HRK: variants seen among roughly 807,000 people sequenced by gnomAD.
HRK encodes harakiri, BCL2 interacting protein.
In HRK, 6 loss-of-function variants were observed where a neutral mutation model predicts 5.9. That is an observed-to-expected ratio of 1.02 (90% CI 0.56 to 2.01). The LOEUF is 2.01. Ranked by LOEUF, HRK falls within the 30% of genes most tolerant of loss-of-function variation. HRK has a pLI of 0.00. For missense variants in HRK, 133 were observed against 128.3 expected (o/e 1.04, Z -0.18); for synonymous variants, 85 against 65.1 (o/e 1.31, Z -1.47).
Position 116,858,121 on chromosome 12 carries a change from A to AG in HRK, c.*3401_*3402insC, listed in dbSNP as rs1004383708. On this transcript the variant is annotated 3_prime_UTR_variant, in exon 2 of 2. Coordinates refer to ENST00000257572, the MANE Select transcript of HRK (RefSeq NM_003806.4). Reference sequence around the variant, plus strand: ...CAGTATCCAAATGAAGGCGGCTAAAAAAAAAAAAAAAAAACGAACAAAAAA... The same window carrying AG: ...CAGTATCCAAATGAAGGCGGCTAAAAGAAAAAAAAAAAAAACGAACAAAAAA... The AG allele has an allele frequency of 6.6e-6, 1 of 150,524 alleles. No homozygotes were observed. Among genetic ancestry groups the AG allele is most frequent in the African/African-American group, 2.4e-5 (1 of 41,026 alleles). 9.3% of individuals were successfully genotyped at this position (150,524 alleles called of 1,614,324 possible).
At chr12:116,877,466 C>G (rs1212691368) in intron 1 of HRK, among the ~76,000 whole-genome samples, 1 of 152,220 alleles carries the variant, frequency 6.6e-6, no homozygotes, top group African/African-American at 2.4e-5. Flanking sequence ...TTCTCAAGGT[C>G]ACGCTGTCAG....
At chr12:116,861,730 T>G (rs1191664840) in intron 1 of HRK, among the ~76,000 whole-genome samples, 1 of 152,226 alleles carries the variant, frequency 6.6e-6, no homozygotes, top group Admixed American at 6.5e-5. Context: ...CTCTCTGCTT[T>G]TAGACCTAGA....
chr12:116,875,176 G>A (rs578238562), intron 1 of HRK, among the ~76,000 whole-genome samples: 64 of 152,274 alleles, frequency 4.2e-4, no homozygotes, highest in African/African-American at 1.5e-3. Context: ...ACAGTGTGTG[G>A]GTTATATGCA....
chr12:116,875,305 CTTAGTAG>C (rs1878890720), intron 1 of HRK, among the ~76,000 whole-genome samples: 1 of 152,110 alleles, frequency 6.6e-6, no homozygotes, highest in African/African-American at 2.4e-5. Context: ...TGAAGCAAAA[CTTAGTAG>C]TTTTGGAGTA....
intron 1 of HRK, among the ~76,000 whole-genome samples, chr12:116,877,114 G>A (rs560399923): frequency 7.2e-5 from 11 of 152,260 alleles, no homozygotes; most frequent in Non-Finnish European, 1.5e-4. Flanking sequence ...GCAATAGTGC[G>A]ATCTCAGCTT....
Position 116,859,297 on chromosome 12 carries a change from A to G in HRK, c.*2226T>C, listed in dbSNP as rs1161464329. On this transcript the variant is annotated 3_prime_UTR_variant, in exon 2 of 2. Coordinates refer to ENST00000257572, the MANE Select transcript of HRK (RefSeq NM_003806.4). ...ACCTTTCATCTTCTCCTGTGTCTACAGGTGGTCAGCATGCCCCCACTACGA... is the reference window on the plus strand; with the variant it reads ...ACCTTTCATCTTCTCCTGTGTCTACGGGTGGTCAGCATGCCCCCACTACGA... 2 of 152,204 alleles carry G rather than the reference A, an allele frequency of 1.3e-5. No homozygotes were observed. The highest frequency in any genetic ancestry group is 6.5e-5 in the Admixed American group (1 of 15,272). The allele number at this position is 152,204 out of a possible 1,614,324, so 9.4% of individuals were successfully genotyped here. A position where few individuals can be genotyped will look rare whatever the true frequency, so the allele number is the denominator to read the frequency against.
Position 116,881,162 on chromosome 12 carries a change from A to T in HRK, c.146T>A (p.Met49Lys), listed in dbSNP as rs1483842843. The T allele has an allele frequency of 1.7e-6, 2 of 1,174,622 alleles. No individual in the cohort carries two copies. The highest frequency in any genetic ancestry group is 4.0e-5 in the East Asian group (1 of 25,126). 72.8% of individuals were successfully genotyped at this position (1,174,622 alleles called of 1,614,324 possible). ...ALGDELHQRT[M>K]WRRRARSRRA... is the part of the protein sequence containing the mutation. Reference sequence around the variant, plus strand: ...CCGGCTCCGCGCGCGGCGCCGCCACATGGTGCGCTGGTGCAGCTCGTCGCC... The same window carrying T: ...CCGGCTCCGCGCGCGGCGCCGCCACTTGGTGCGCTGGTGCAGCTCGTCGCC... Residue 49 changes from methionine (M) to lysine (K), a missense_variant, in exon 1 of 2, where the codon ATG becomes AAG. Met to Lys is a moderately conservative substitution (Grantham distance 95). Coordinates refer to ENST00000257572, the MANE Select transcript of HRK (RefSeq NM_003806.4).
Position 116,860,652 on chromosome 12 carries a change from C to T in HRK, c.*871G>A, listed in dbSNP as rs1220227345. The T allele has an allele frequency of 4.0e-5, 6 of 150,836 alleles. No individual in the cohort carries two copies. The highest frequency in any genetic ancestry group is 7.4e-5 in the Non-Finnish European group (5 of 67,850). The allele number at this position is 150,836 out of a possible 1,614,324, so 9.3% of individuals were successfully genotyped here. On this transcript the variant is annotated 3_prime_UTR_variant, in exon 2 of 2. Coordinates refer to ENST00000257572, the MANE Select transcript of HRK (RefSeq NM_003806.4). ...TTGCTCCAAACCACCTCTGGATATTCGTCCCCAGGTAGAAGAAGAGAAGAG... is the reference window on the plus strand; with the variant it reads ...TTGCTCCAAACCACCTCTGGATATTTGTCCCCAGGTAGAAGAAGAGAAGAG...
At chr12:116,871,901 T>A (rs898661162) in intron 1 of HRK, among the ~76,000 whole-genome samples, 8 of 151,714 alleles carry the variant, frequency 5.3e-5, no homozygotes, top group African/African-American at 1.9e-4. Flanking sequence ...ATTAAAAAAA[T>A]TTGTTTTAAT....
chr12:116,867,019 G>A (rs1212420599), intron 1 of HRK, among the ~76,000 whole-genome samples: 1 of 152,034 alleles, frequency 6.6e-6, no homozygotes, highest in East Asian at 1.9e-4. Flanking sequence ...GCCGGGCACA[G>A]TGGCTCACAC....
At position 116,862,415 on chromosome 12, in the gene HRK, G is replaced by C. The variant is rs1350579237; in HGVS notation, c.*57-949C>G. On this transcript the variant is annotated intron_variant, in intron 1 of 1. Transcript: ENST00000257572. The surrounding 1 kb of genome is among the most constrained non-coding windows in gnomAD (Gnocchi z 4.0). ...AAGGAATGAAGTATTGATACGTGAAGATGGATGAACCTTGAAGGCATCATG... is the reference window on the plus strand; with the variant it reads ...AAGGAATGAAGTATTGATACGTGAACATGGATGAACCTTGAAGGCATCATG... Among the ~76,000 whole-genome samples the C allele has an allele frequency of 2.0e-5, 3 of 152,210 alleles. No individual in the cohort carries two copies. Among genetic ancestry groups the C allele is most frequent in the African/African-American group, 7.2e-5 (3 of 41,454 alleles).
intron 1 of HRK, among the ~76,000 whole-genome samples, chr12:116,875,132 G>A (rs1284850851): frequency 6.6e-6 from 1 of 152,148 alleles, no homozygotes; most frequent in Non-Finnish European, 1.5e-5. Flanking sequence ...ATTGTATTGG[G>A]TATTATAAGT....
chr12:116,859,087 T>C lies in HRK; in HGVS notation c.*2436A>G, dbSNP rs1280994626. The C allele has an allele frequency of 6.6e-6, 1 of 152,108 alleles. No individual in the cohort carries two copies. 9.4% of individuals were successfully genotyped at this position (152,108 alleles called of 1,614,324 possible). On this transcript the variant is annotated 3_prime_UTR_variant, in exon 2 of 2. Transcript: ENST00000257572. ...CGTGGTCTCTAATAAAACAGGAGAA[T>C]ATCTACAAGGGACTTGGCTGAGAAG...
rs1043111478 is a variant in HRK at position 116,859,521 on chromosome 12, T to C, written c.*2002A>G. ...CTCTAAGTTCGTAGCTTTGTGGGAA[T>C]ATTACCCACTGCTCTCTGCAGTCCC... On this transcript the variant is annotated 3_prime_UTR_variant, in exon 2 of 2. Transcript: ENST00000257572. 2.6e-5 allele frequency: 4 copies of C among 152,202 alleles called. No individual in the cohort carries two copies. Among genetic ancestry groups the C allele is most frequent in the African/African-American group, 9.6e-5 (4 of 41,458 alleles). The allele number at this position is 152,202 out of a possible 1,614,324, so 9.4% of individuals were successfully genotyped here.
chr12:116,869,152 A>AT (rs1395827426), intron 1 of HRK, among the ~76,000 whole-genome samples: 1 of 151,690 alleles, frequency 6.6e-6, no homozygotes, highest in African/African-American at 2.4e-5. Flanking sequence ...TTTTGTACAT[A>AT]TTTTTTTAAA....
chr12:116,875,463 C>A (rs1451369003), intron 1 of HRK, among the ~76,000 whole-genome samples: 1 of 152,166 alleles, frequency 6.6e-6, no homozygotes, highest in Non-Finnish European at 1.5e-5. Context: ...ACAGAAGGTA[C>A]TCAATAATTA....
chr12:116,880,678 C>T (rs906243532), intron 1 of HRK, among the ~76,000 whole-genome samples: 14 of 152,012 alleles, frequency 9.2e-5, no homozygotes, highest in Non-Finnish European at 1.3e-4. Flanking sequence ...ATTTGTGGGG[C>T]TGGTGGGGAT....
Position 116,881,263 on chromosome 12 carries a change from C to T in HRK, c.45G>A (p.Val15=). 3 of 1,087,416 alleles carry T rather than the reference C, an allele frequency of 2.8e-6. No homozygotes were observed. The highest frequency in any genetic ancestry group is 3.4e-5 in the African/African-American group (2 of 59,470). 67.4% of individuals were successfully genotyped at this position (1,087,416 alleles called of 1,614,324 possible). A position where few individuals can be genotyped will look rare whatever the true frequency, so the allele number is the denominator to read the frequency against. The change falls in exon 1 of 2, where the codon GTG becomes GTA. Residue 15 remains valine (V), a synonymous_variant. Coordinates refer to ENST00000257572, the MANE Select transcript of HRK (RefSeq NM_003806.4). ...CCAGGCGACCCGCGCTGCAGGCGCACACGGCCGGGGGGCCGCGGCCGCGGT... is the reference window on the plus strand; with the variant it reads ...CCAGGCGACCCGCGCTGCAGGCGCATACGGCCGGGGGGCCGCGGCCGCGGT... The part of the protein sequence containing the change: ...PLHRGRGPPA[V]CACSAGRLGL...
At position 116,879,459 on chromosome 12, in the gene HRK, C is replaced by A. The variant is rs1466869895; in HGVS notation, c.*56+1517G>T. On this transcript the variant is annotated intron_variant, in intron 1 of 1. Transcript: ENST00000257572. This position sits in a 1 kb window ranked among gnomAD's most constrained non-coding sequence, Gnocchi z 5.6. ...GCGTCTGTCGCTCAACTTCCTTTTT[C>A]TGCACCCCGCGATCCATCCAAAATG... is the stretch of plus-strand genomic sequence containing the variant. 1 of 151,796 alleles carries A rather than the reference C, an allele frequency of 6.6e-6. No homozygotes were observed. The highest frequency in any genetic ancestry group is 2.4e-5 in the African/African-American group (1 of 41,322). The allele number at this position is 151,796 out of a possible 1,614,324, so 9.4% of individuals were successfully genotyped here.
Sources: gnomAD v4.1 joint callset for allele counts (sites outside exome capture counted in the v4.1 genomes callset) on GRCh38, gnomAD v4.1.1 for gene constraint, Gnocchi (gnomAD v3.1) non-coding constraint, MANE v1.5 for transcripts, NCBI Gene and HGNC (gene_info 2026-07-23, HGNC 2026-07-21) for gene names.